The following GPRIN2 variants were observed in gnomAD, a reference collection of about 807,000 sequenced individuals.
The protein encoded by GPRIN2 is G protein-regulated inducer of neurite outgrowth 2.
GPRIN2 carries 1 observed loss-of-function variant against 0.3 expected under a neutral mutation model. The observed-to-expected ratio is 3.90, with a 90% CI of 1.39 to 18.51. The LOEUF is 18.51. Among genes scored for constraint, GPRIN2 ranks in the 30% most tolerant of loss-of-function variants. The pLI, the probability that GPRIN2 is intolerant of heterozygous loss-of-function variation, is 0.11. For missense variants in GPRIN2, 880 were observed against 604.2 expected, an observed-to-expected ratio of 1.46 and a Z score of -4.79; for synonymous variants, 361 against 258.6, an observed-to-expected ratio of 1.40 and a Z score of -3.80.
chr10:46,551,615 T>C (rs1175665732), intron 2 of GPRIN2: 9 of 522,676 alleles, frequency 1.7e-5, no homozygotes, highest in African/African-American at 1.7e-4. Context: ...GCCCACCCAG[T>C]ACCATCAATC....
rs1833034159 is a variant in GPRIN2 at position 46,543,397 on chromosome 10, AAAG to A, written c.*5960_*5962del. On this transcript the variant is annotated 3_prime_UTR_variant, in exon 3 of 3. Transcript: ENST00000374314. Reference sequence around the variant, plus strand: ...AGAACAAAGAGAACATGAAACCACAAAAGAAGAACAGATTAAAGAGAAATGGGG... The same window carrying A: ...AGAACAAAGAGAACATGAAACCACAAAAGAACAGATTAAAGAGAAATGGGG... 6.6e-6 allele frequency among the ~76,000 whole-genome samples: 1 copy of A among 152,310 alleles called. No individual in the cohort carries two copies. Among genetic ancestry groups the A allele is most frequent in the Non-Finnish European group, 1.5e-5 (1 of 68,058 alleles).
intron 2 of GPRIN2, among the ~76,000 whole-genome samples, chr10:46,551,863 G>T (rs1276850921): frequency 1.3e-5 from 2 of 152,312 alleles, no homozygotes; most frequent in Non-Finnish European, 2.9e-5. Flanking sequence ...GGCCTGCATG[G>T]AACAGTTTGG....
At chr10:46,556,041 C>A (rs1192285951) in intron 1 of GPRIN2, among the ~76,000 whole-genome samples, 3 of 152,304 alleles carry the variant, frequency 2.0e-5, no homozygotes, top group Non-Finnish European at 4.4e-5. Flanking sequence ...GGGCCCGAAA[C>A]GAGGCTACAG....
Position 46,550,564 on chromosome 10 carries a change from C to G in GPRIN2, c.173G>C (p.Arg58Thr), listed in dbSNP as rs1832322587. The change falls in exon 3 of 3, where the codon AGA becomes ACA. Residue 58 changes from arginine (R) to threonine (T), a missense_variant. Coordinates refer to ENST00000374314, the MANE Select transcript of GPRIN2 (RefSeq NM_001385282.1). ...WQAQLGEAST[R>T]PQAPEEEGNP... ...CCCCTCTTCCTCCGGGGCCTGGGGTCTGGTGCTGGCCTCGCCCAGCTGGGC... is the reference window on the plus strand; with the variant it reads ...CCCCTCTTCCTCCGGGGCCTGGGGTGTGGTGCTGGCCTCGCCCAGCTGGGC... 4 of 1,587,540 alleles carry G rather than the reference C, an allele frequency of 2.5e-6. No individual in the cohort carries two copies. The South Asian group carries it at 3.5e-5, about 14-fold the overall frequency.
Position 46,550,542 on chromosome 10 carries a change from C to G in GPRIN2, c.195G>C (p.Glu65Asp). 2 of 1,591,368 alleles carry G rather than the reference C, an allele frequency of 1.3e-6. No homozygotes were observed. Among genetic ancestry groups the G allele is most frequent in the Non-Finnish European group, 1.7e-6 (2 of 1,168,100 alleles). ...GCTTCATGCTCTCAGGCGGGTTCCC[C>G]TCTTCCTCCGGGGCCTGGGGTCTGG... ...ASTRPQAPEE[E>D]GNPPESMKPA... Residue 65 changes from glutamate (E) to aspartate (D), a missense_variant, in exon 3 of 3, where the codon GAG becomes GAC. Glu to Asp is a conservative substitution (Grantham distance 45). Coordinates refer to ENST00000374314, the MANE Select transcript of GPRIN2 (RefSeq NM_001385282.1).
At chr10:46,551,094 G>T (rs1832215400) in intron 2 of GPRIN2, among the ~76,000 whole-genome samples, 86 of 152,362 alleles carry the variant, frequency 5.6e-4, no homozygotes, top group Non-Finnish European at 1.0e-3. Context: ...ATCTGCTGGG[G>T]CTTTGGGGGT....
rs1832855380 is a variant in GPRIN2, at chr10:46,547,308, C to T, written c.*2052G>A. Reference sequence around the variant, plus strand: ...TCCTTGGTGTCACCTGGCACATCTCCACTGGAAGCCAAATGGATATTTCTA... The same window carrying T: ...TCCTTGGTGTCACCTGGCACATCTCTACTGGAAGCCAAATGGATATTTCTA... On this transcript the variant is annotated 3_prime_UTR_variant, in exon 3 of 3. Transcript: ENST00000374314. Among the ~76,000 whole-genome samples the T allele has an allele frequency of 6.6e-6, 1 of 152,418 alleles. No homozygotes were observed. Among genetic ancestry groups the T allele is most frequent in the South Asian group, 2.1e-4 (1 of 4,834 alleles).
At chr10:46,556,180 G>A (rs1311594900) in intron 1 of GPRIN2, among the ~76,000 whole-genome samples, 1 of 152,312 alleles carries the variant, frequency 6.6e-6, no homozygotes, top group East Asian at 1.9e-4. Flanking sequence ...GGCTGAGGGA[G>A]GGGAAAAGGA....
rs1832399190 is a variant in GPRIN2 at position 46,550,346 on chromosome 10, G to A, written c.391C>T (p.Arg131Trp). The change falls in exon 3 of 3, where the codon CGG (arginine) becomes TGG (tryptophan). Residue 131 changes from arginine to tryptophan, a missense_variant. Physicochemically the swap from Arg to Trp is moderately radical, Grantham distance 101 (BLOSUM62 -3). Transcript: ENST00000374314. ...HSDLVRSTQM[R>W]GHSGARKASL... is the part of the protein sequence containing the mutation. ...GCCTTCCGAGCACCACTGTGTCCCC[G>A]CATCTGGGTGCTACGGACCAGGTCT... The A allele has an allele frequency of 1.1e-4, 176 of 1,612,736 alleles. No individual in the cohort carries two copies. The highest frequency in any genetic ancestry group is 5.1e-4 in the South Asian group (46 of 90,980).
At chr10:46,556,687 CG>C (rs1843277591), upstream of GPRIN2, among the ~76,000 whole-genome samples, 2 of 152,078 alleles carry the variant, frequency 1.3e-5, no homozygotes, top group African/African-American at 4.8e-5. Flanking sequence ...CAGCTGGCAC[CG>C]GGGCGGCGGG....
rs1842188174 is a variant in GPRIN2, at chr10:46,546,670, T to A, written c.*2690A>T. 6.6e-6 allele frequency among the ~76,000 whole-genome samples: 1 copy of A among 152,308 alleles called. No individual in the cohort carries two copies. The highest frequency in any genetic ancestry group is 2.4e-5 in the African/African-American group (1 of 41,486). On this transcript the variant is annotated 3_prime_UTR_variant, in exon 3 of 3. Coordinates refer to ENST00000374314, the MANE Select transcript of GPRIN2 (RefSeq NM_001385282.1). ...CTGGGGCCCTAAACCACTGCAGGCA[T>A]CAGGGCTGTTCCAGGAGAGGGCACA...
At position 46,546,042 on chromosome 10, in the gene GPRIN2, G is replaced by A. The variant is rs1842129114; in HGVS notation, c.*3318C>T. Reference sequence around the variant, plus strand: ...TCAGCCCTTGTAAAGTTAGGATCTAGCATGTCTAAGGGGACAGAGACCCAA... The same window carrying A: ...TCAGCCCTTGTAAAGTTAGGATCTAACATGTCTAAGGGGACAGAGACCCAA... On this transcript the variant is annotated 3_prime_UTR_variant, in exon 3 of 3. Transcript: ENST00000374314. Among the ~76,000 whole-genome samples the A allele has an allele frequency of 1.3e-5, 2 of 152,312 alleles. No homozygotes were observed. Among genetic ancestry groups the A allele is most frequent in the African/African-American group, 4.8e-5 (2 of 41,488 alleles).
intron 1 of GPRIN2, among the ~76,000 whole-genome samples, chr10:46,556,286 G>C (rs2133369201): frequency 6.6e-6 from 1 of 152,430 alleles, no homozygotes; most frequent in Non-Finnish European, 1.5e-5. Flanking sequence ...GGGCAGAGGA[G>C]ACGTAGAAGA....
rs1046048707 is a variant in GPRIN2 at position 46,544,394 on chromosome 10, G to C, written c.*4966C>G. ...GCTGGAGCACAGTGGCACTATCTCG[G>C]CTCACTGCAACCTCCACCTCCTGGG... On this transcript the variant is annotated 3_prime_UTR_variant, in exon 3 of 3. Transcript: ENST00000374314. Among the ~76,000 whole-genome samples, 8 of 152,306 alleles carry C rather than the reference G, an allele frequency of 5.3e-5. No homozygotes were observed. Among genetic ancestry groups the C allele is most frequent in the African/African-American group, 1.7e-4 (7 of 41,486 alleles).
chr10:46,545,400 A>T lies in GPRIN2; in HGVS notation c.*3960T>A, dbSNP rs1832946716. ...ATCCAGGGCTCCCCTTTAGGGTCTG[A>T]CTTGGACTGAAATCACACCCTGCCT... On this transcript the variant is annotated 3_prime_UTR_variant, in exon 3 of 3. Transcript: ENST00000374314. Among the ~76,000 whole-genome samples the T allele has an allele frequency of 5.9e-3, 902 of 152,298 alleles. No individual in the cohort carries two copies. The highest frequency in any genetic ancestry group is 0.02 in the African/African-American group (822 of 41,514).
chr10:46,555,476 G>A (rs1843085028), intron 1 of GPRIN2: 1 of 153,590 alleles, frequency 6.5e-6, no homozygotes, highest in African/African-American at 2.4e-5. Flanking sequence ...AGAGTGAACG[G>A]GGCCTGATAG....
intron 2 of GPRIN2, among the ~76,000 whole-genome samples, chr10:46,553,299 C>A (rs934953748): frequency 2.0e-5 from 3 of 152,310 alleles, no homozygotes; most frequent in African/African-American, 2.4e-5. Flanking sequence ...CTGAGTGGAT[C>A]TCCACCTGCC....
rs1832295029 is a variant in GPRIN2, at chr10:46,550,637, C to A, written c.100G>T (p.Glu34Ter). 1 of 1,572,520 alleles carries A rather than the reference C, an allele frequency of 6.4e-7. No homozygotes were observed. Among genetic ancestry groups the A allele is most frequent in the Non-Finnish European group, 8.6e-7 (1 of 1,160,456 alleles). ...GTCTTGCGGAGCTCTGGCCTCTGTT[C>A]CCGGCCTTCACCCAGCAGGCTGGAA... Reference protein sequence around the residue: ...SSSSLLGEGREQRPELRKTAS... With the variant: ...SSSSLLGEGR Residue 34 changes from glutamate (E) to a stop codon, truncating the protein, a stop_gained, in exon 3 of 3, where the codon GAA becomes TAA. Transcript: ENST00000374314. LOFTEE classifies it low-confidence loss of function (END_TRUNC).
In GPRIN2 at chr10:46,556,545, G is replaced by A. The variant is rs1843256186; in HGVS notation, c.-165C>T. 6.6e-6 allele frequency among the ~76,000 whole-genome samples: 1 copy of A among 152,234 alleles called. No homozygotes were observed. The highest frequency in any genetic ancestry group is 2.4e-5 in the African/African-American group (1 of 41,472). On this transcript the variant is annotated 5_prime_UTR_variant, in exon 1 of 3. Coordinates refer to ENST00000374314, the MANE Select transcript of GPRIN2 (RefSeq NM_001385282.1). ...CAGGCGGGGGAAGCGCTGCTCCTGC[G>A]GCCGCCACAGGTGCCAGGTGCCGCG...
Sources: allele counts gnomAD v4.1 joint callset (sites outside exome capture counted in the v4.1 genomes callset), GRCh38; gene constraint gnomAD v4.1.1; transcripts MANE v1.5; gene names NCBI Gene and HGNC (gene_info 2026-07-23, HGNC 2026-07-21).